The following ADD2 variants were observed in gnomAD, a reference collection of about 807,000 sequenced individuals.
ADD2 encodes the protein beta-adducin.
ADD2 carries 23 observed loss-of-function variants against 83.0 expected under a neutral mutation model. That is an observed-to-expected ratio of 0.28 (90% confidence interval 0.20 to 0.39). The LOEUF (loss-of-function observed/expected upper bound fraction) is 0.39, where lower values mean the gene tolerates loss of function less well. Among genes scored for constraint, ADD2 ranks in the 10% least tolerant of loss-of-function variants. The pLI is 1.00. For synonymous variants in ADD2, 375 were observed against 375.4 expected, an observed-to-expected ratio of 1.00 and a Z score of 0.01; for missense variants, 758 against 944.9, an observed-to-expected ratio of 0.80 and a Z score of 2.59.
rs1675611044 is a variant in ADD2 at position 70,663,368 on chromosome 2, G to C, written c.*57C>G. ...CCCTGTGCTTGCAGGGACAGAGATG[G>C]GAGAAGGGAAGGGGAGGAGAGAGAG... On this transcript the variant is annotated 3_prime_UTR_variant, in exon 16 of 16. Coordinates refer to ENST00000264436, the MANE Select transcript of ADD2 (RefSeq NM_001617.4). 2 of 1,528,432 alleles carry C rather than the reference G, an allele frequency of 1.3e-6. No homozygotes were observed. Among genetic ancestry groups the C allele is most frequent in the African/African-American group, 2.7e-5 (2 of 72,938 alleles). 94.7% of individuals were successfully genotyped at this position (1,528,432 alleles called of 1,614,324 possible). A position where few individuals can be genotyped will look rare whatever the true frequency, so the allele number is the denominator to read the frequency against.
At chr2:70,685,070 G>A (rs531780412) in intron 9 of ADD2, among the ~76,000 whole-genome samples, 1 of 152,308 alleles carries the variant, frequency 6.6e-6, no homozygotes, top group South Asian at 2.1e-4. Flanking sequence ...TCCAGGTGGT[G>A]AGCCAGGTGT....
At position 70,657,744 on chromosome 2, in the gene ADD2, C is replaced by T. The variant is rs974643985; in HGVS notation, c.*5681G>A. The T allele has an allele frequency of 6.6e-6, 1 of 152,302 alleles. No homozygotes were observed. Among genetic ancestry groups the T allele is most frequent in the Non-Finnish European group, 1.5e-5 (1 of 68,092 alleles). The allele number at this position is 152,302 out of a possible 1,614,324, so 9.4% of individuals were successfully genotyped here. On this transcript the variant is annotated 3_prime_UTR_variant, in exon 16 of 16. Coordinates refer to ENST00000264436, the MANE Select transcript of ADD2 (RefSeq NM_001617.4). Reference sequence around the variant, plus strand: ...AGTTTAGGGTCTTTCTACAGTTATTCTCCCACCACCCCCCAAACTCTTACG... The same window carrying T: ...AGTTTAGGGTCTTTCTACAGTTATTTTCCCACCACCCCCCAAACTCTTACG...
chr2:70,738,460 T>A (rs1279612832), intron 1 of ADD2, among the ~76,000 whole-genome samples: 1 of 152,158 alleles, frequency 6.6e-6, no homozygotes, highest in Non-Finnish European at 1.5e-5. Flanking sequence ...AGAAAGCTAA[T>A]CAGCTGAAAG....
Position 70,696,403 on chromosome 2 carries a change from G to A in ADD2, c.323-7C>T, listed in dbSNP as rs1409416150. The A allele has an allele frequency of 1.9e-6, 3 of 1,613,940 alleles. 1 individual carries two copies. Among genetic ancestry groups the A allele is most frequent in the African/African-American group, 1.3e-5 (1 of 74,914 alleles). Reference sequence around the variant, plus strand: ...GGCGTCATCATGGAGACATCTGCAGGGACAGTGCAGTTCTCTCAGGGCCAG... The same window carrying A: ...GGCGTCATCATGGAGACATCTGCAGAGACAGTGCAGTTCTCTCAGGGCCAG... On this transcript the variant is annotated splice_region_variant and splice_polypyrimidine_tract_variant and intron_variant, in intron 4 of 15. Transcript: ENST00000264436.
At chr2:70,744,982 G>T (rs1408669103) in intron 1 of ADD2, among the ~76,000 whole-genome samples, 1 of 152,098 alleles carries the variant, frequency 6.6e-6, no homozygotes, top group Non-Finnish European at 1.5e-5. Flanking sequence ...TAATGGAACT[G>T]AACTTAAGAT....
intron 1 of ADD2, among the ~76,000 whole-genome samples, chr2:70,727,725 T>G (rs553519307): frequency 3.9e-4 from 59 of 152,058 alleles, no homozygotes; most frequent in Admixed American, 3.5e-3. Context: ...TGAAACCCTG[T>G]CTCTACTAAA....
intron 9 of ADD2, among the ~76,000 whole-genome samples, chr2:70,684,404 C>A (rs1558530406): frequency 6.6e-6 from 1 of 152,162 alleles, no homozygotes; most frequent in Non-Finnish European, 1.5e-5. Context: ...TGCACTACCA[C>A]ATTCAGCAAA....
chr2:70,755,331 G>GTC (rs1190445591), intron 1 of ADD2, among the ~76,000 whole-genome samples: 6 of 152,282 alleles, frequency 3.9e-5, no homozygotes, highest in Middle Eastern at 3.4e-3. Flanking sequence ...CCTCTGATCC[G>GTC]TCTCACGAAC....
chr2:70,676,323 A>G lies in ADD2; in HGVS notation c.1593+473T>C. 9.8e-7 allele frequency: 1 copy of G among 1,016,242 alleles called. No individual in the cohort carries two copies. The highest frequency in any genetic ancestry group is 1.2e-6 in the Non-Finnish European group (1 of 850,454). 63.0% of individuals were successfully genotyped at this position (1,016,242 alleles called of 1,614,324 possible). ...TTGTCCCTTCCCATCCTGTAGGAGC[A>G]TGGGTCCTGTCTATATACCCCTTCT... On this transcript the variant is annotated intron_variant, in intron 13 of 15. Coordinates refer to ENST00000264436, the MANE Select transcript of ADD2 (RefSeq NM_001617.4). This position sits in a 1 kb window ranked among gnomAD's most constrained non-coding sequence, Gnocchi z 4.8.
intron 1 of ADD2, among the ~76,000 whole-genome samples, chr2:70,721,592 C>T (rs1264329599): frequency 6.6e-6 from 1 of 152,182 alleles, no homozygotes; most frequent in Non-Finnish European, 1.5e-5. Flanking sequence ...TAAGATACAA[C>T]CTTCAGGGAA....
chr2:70,708,989 C>A (rs565132442), intron 2 of ADD2, among the ~76,000 whole-genome samples: 2 of 152,332 alleles, frequency 1.3e-5, no homozygotes, highest in South Asian at 4.1e-4. Flanking sequence ...CATGTGGCAG[C>A]CTCAGAGTCA....
chr2:70,767,882 T>C lies in ADD2; in HGVS notation c.-154+4A>G. 1 of 1,535,796 alleles carries C rather than the reference T, an allele frequency of 6.5e-7. No individual in the cohort carries two copies. Among genetic ancestry groups the C allele is most frequent in the Non-Finnish European group, 8.7e-7 (1 of 1,146,744 alleles). On this transcript the variant is annotated splice_donor_region_variant and intron_variant, in intron 1 of 15. Transcript: ENST00000264436. The stretch of plus-strand genomic sequence containing the variant: ...CCCACCAGGCCCGCTCCCCAGACCC[T>C]TACCTCCTGCGCGGCATCTTAGCTA...
In ADD2 at chr2:70,672,807, A is replaced by G. The variant is rs533584493; in HGVS notation, c.1870+71T>C. ...TTCAGATTAGGGGCAACACGAGTGG[A>G]AGGCAGGGCACCTTCCCAGCCTGCA... On this transcript the variant is annotated intron_variant, in intron 15 of 15. Transcript: ENST00000264436. The G allele has an allele frequency of 4.0e-6, 6 of 1,501,846 alleles. No individual in the cohort carries two copies. In the South Asian group the frequency reaches 7.9e-5, roughly 20 times the overall value. The allele number at this position is 1,501,846 out of a possible 1,614,324, so 93.0% of individuals were successfully genotyped here.
Position 70,688,050 on chromosome 2 carries a change from G to A in ADD2, c.922C>T (p.His308Tyr). 1 of 1,614,142 alleles carries A rather than the reference G, an allele frequency of 6.2e-7. No individual in the cohort carries two copies. The highest frequency in any genetic ancestry group is 2.2e-5 in the East Asian group (1 of 44,884). Residue 308 changes from histidine to tyrosine, a missense_variant, in exon 9 of 16, where the codon CAC (histidine) becomes TAC (tyrosine). This residue lies in a region of ADD2 where 394 missense variants were observed against 509.3 expected (regional missense o/e 0.77). Transcript: ENST00000264436. ...TGTATCTCACATGCAGCCTGCAGGT[G>A]GAAGATCTTGTAAAATGCCTCCTCT... The part of the protein sequence containing the change: ...TVEEAFYKIF[H>Y]LQAACEIQVS...
At chr2:70,750,983 C>T (rs782699565) in intron 1 of ADD2, among the ~76,000 whole-genome samples, 5 of 152,140 alleles carry the variant, frequency 3.3e-5, no homozygotes, top group Non-Finnish European at 7.3e-5. Context: ...TGTCACGTTT[C>T]CTTGAAATCA....
intron 1 of ADD2, among the ~76,000 whole-genome samples, chr2:70,743,964 A>T (rs1017428819): frequency 1.3e-5 from 2 of 152,214 alleles, no homozygotes; most frequent in African/African-American, 2.4e-5. Flanking sequence ...TCAAATACTT[A>T]TCTTCTATGT....
intron 1 of ADD2, among the ~76,000 whole-genome samples, chr2:70,761,242 A>G (rs574290151): frequency 8.3e-6 from 1 of 119,828 alleles, no homozygotes; most frequent in South Asian, 2.5e-4. Context: ...TTTTTTTTTT[A>G]AAGACAATAA....
intron 1 of ADD2, among the ~76,000 whole-genome samples, chr2:70,755,974 G>A (rs782431950): frequency 2.7e-5 from 4 of 150,844 alleles, no homozygotes; most frequent in Non-Finnish European, 4.4e-5. Context: ...CAGGAGAATC[G>A]CTTGAACCCG....
intron 1 of ADD2, among the ~76,000 whole-genome samples, chr2:70,735,237 C>A (rs1673476948): frequency 1.3e-5 from 2 of 151,896 alleles, no homozygotes; most frequent in Admixed American, 6.6e-5. Context: ...AAAAGAGTGC[C>A]CTCTGAATGA....
Sources: gnomAD v4.1 joint callset for allele counts (sites outside exome capture counted in the v4.1 genomes callset) on GRCh38, gnomAD v4.1.1 for gene constraint, gnomAD v4.1.1 regional missense constraint, Gnocchi (gnomAD v3.1) non-coding constraint, MANE v1.5 for transcripts, NCBI Gene and HGNC (gene_info 2026-07-23, HGNC 2026-07-21) for gene names.